Variants in TET1 observed in about 807,000 individuals in gnomAD.
The protein encoded by TET1 is tet methylcytosine dioxygenase 1.
TET1 carries 13 observed loss-of-function variants against 148.7 expected under a neutral mutation model. The ratio of observed to expected loss-of-function variants is 0.09; its 90% CI spans 0.06 to 0.14. The LOEUF is 0.14. Ranked by LOEUF, TET1 falls within the 10% of genes least tolerant of loss-of-function variation. The pLI is 1.00. For missense variants in TET1, 2,182 were observed against 2,553.8 expected, an observed-to-expected ratio of 0.85 and a Z score of 3.14; for synonymous variants, 907 against 937.2, an observed-to-expected ratio of 0.97 and a Z score of 0.59.
intron 1 of TET1, among the ~76,000 whole-genome samples, chr10:68,563,133 T>C (rs935638560): frequency 1.3e-5 from 2 of 152,138 alleles, no homozygotes; most frequent in African/African-American, 4.8e-5. Flanking sequence ...CCTTCCCTTT[T>C]CTTGGCCCTT....
chr10:68,661,445 T>C (rs1317045741), intron 6 of TET1, among the ~76,000 whole-genome samples: 2 of 151,916 alleles, frequency 1.3e-5, no homozygotes, highest in Non-Finnish European at 2.9e-5. Flanking sequence ...GCTTAGAGAT[T>C]ATAATTTTTA....
chr10:68,635,598 T>C (rs1327365564), intron 3 of TET1, among the ~76,000 whole-genome samples: 1 of 152,200 alleles, frequency 6.6e-6, no homozygotes, highest in Non-Finnish European at 1.5e-5. Flanking sequence ...CTGAAAAGAA[T>C]AATACACTAA....
At chr10:68,599,653 C>T (rs1040124270) in intron 2 of TET1, among the ~76,000 whole-genome samples, 5 of 152,164 alleles carry the variant, frequency 3.3e-5, no homozygotes, top group Admixed American at 3.3e-4. Flanking sequence ...TGGGTGGTTC[C>T]GTCTGACCGC....
chr10:68,580,022 G>A (rs950074998), intron 2 of TET1, among the ~76,000 whole-genome samples: 3 of 151,338 alleles, frequency 2.0e-5, no homozygotes, highest in Admixed American at 1.3e-4. Flanking sequence ...TCTGCCTCCC[G>A]GATTCAAGTC....
intron 6 of TET1, among the ~76,000 whole-genome samples, chr10:68,656,148 G>A (rs1357974608): frequency 6.6e-6 from 1 of 152,080 alleles, no homozygotes; most frequent in East Asian, 1.9e-4. Context: ...ATTATGATGA[G>A]TTGTATAATT....
chr10:68,673,470 C>A, intron 8 of TET1: 1 of 390,962 alleles, frequency 2.6e-6, no homozygotes, highest in Non-Finnish European at 5.2e-6. Context: ...ACGAATCAGT[C>A]CGGGACACGA....
At chr10:68,561,581 G>T (rs2053553737) in intron 1 of TET1, among the ~76,000 whole-genome samples, 1 of 152,138 alleles carries the variant, frequency 6.6e-6, no homozygotes, top group African/African-American at 2.4e-5. Flanking sequence ...CTGGGTGCTG[G>T]GGCTGGTCGT....
chr10:68,656,796 C>T (rs186397696), intron 6 of TET1, among the ~76,000 whole-genome samples: 39 of 152,026 alleles, frequency 2.6e-4, no homozygotes, highest in Admixed American at 1.0e-3. Context: ...GAGGTCGAGG[C>T]GGGTGGATCA....
intron 2 of TET1, among the ~76,000 whole-genome samples, chr10:68,596,027 C>CACACATATATATAT (rs71470531): frequency 2.3e-4 from 14 of 61,760 alleles, no homozygotes; most frequent in South Asian, 6.6e-4. Context: ...CACACACACA[C>CACACATATATATAT]ATATATATAT....
intron 4 of TET1, 137 bp downstream of exon 4, chr10:68,647,142 C>G: frequency 1.0e-6 from 1 of 963,384 alleles, no homozygotes; most frequent in Non-Finnish European, 1.5e-6. Context: ...TTAAGTAAAT[C>G]TATAACCATT....
At position 68,624,602 on chromosome 10, in the gene TET1, C is replaced by CTCTTTCTTTCTTTCTTTCTT. The variant is rs771481993; in HGVS notation, c.1969-20056_1969-20037dup. Among the ~76,000 whole-genome samples the CTCTTTCTTTCTTTCTTTCTT allele has an allele frequency of 1.8e-4, 21 of 113,952 alleles. 1 individual carries two copies. The highest frequency in any genetic ancestry group is 1.7e-3 in the South Asian group (5 of 2,954). The allele number at this position is 113,952 out of a possible 152,430, so 74.8% of individuals were successfully genotyped here. A position where few individuals can be genotyped will look rare whatever the true frequency, so the allele number is the denominator to read the frequency against. On this transcript the variant is annotated intron_variant, in intron 3 of 11. Coordinates refer to ENST00000373644, the MANE Select transcript of TET1 (RefSeq NM_030625.3). The stretch of plus-strand genomic sequence containing the variant: ...CCGTGCCTGGCCTTATTTTCTTTTT[C>CTCTTTCTTTCTTTCTTTCTT]TCTTTCTTTCTTTCTTTCTTTCTTT...
chr10:68,691,350 G>C lies in TET1; in HGVS notation c.5947G>C (p.Ala1983Pro). The change falls in exon 12 of 12, where the codon GCT becomes CCT. Residue 1983 changes from alanine to proline, a missense_variant. Ala to Pro is a conservative substitution (Grantham distance 27). Coordinates refer to ENST00000373644, the MANE Select transcript of TET1 (RefSeq NM_030625.3). The surrounding 1 kb of genome is among the most constrained non-coding windows in gnomAD (Gnocchi z 4.4). Reference sequence around the variant, plus strand: ...CCTATCTGATGACCCCCTGTCACCTGCTGAGGAGAAATTGCCCCACATTGA... The same window carrying C: ...CCTATCTGATGACCCCCTGTCACCTCCTGAGGAGAAATTGCCCCACATTGA... ...EPLSDDPLSP[A>P]EEKLPHIDEY... The C allele has an allele frequency of 6.2e-7, 1 of 1,614,170 alleles. No homozygotes were observed. The highest frequency in any genetic ancestry group is 8.5e-7 in the Non-Finnish European group (1 of 1,180,036).
intron 6 of TET1, among the ~76,000 whole-genome samples, chr10:68,662,228 C>G (rs1018940675): frequency 6.6e-6 from 1 of 151,914 alleles, no homozygotes; most frequent in Admixed American, 6.6e-5. Flanking sequence ...AGGCCAGTCT[C>G]GAACTCCTGA....
Position 68,573,572 on chromosome 10 carries a change from A to AT in TET1, c.1238dup (p.Leu413PhefsTer32). 4 of 1,614,150 alleles carry AT rather than the reference A, an allele frequency of 2.5e-6. No homozygotes were observed. The highest frequency in any genetic ancestry group is 3.4e-6 in the Non-Finnish European group (4 of 1,180,036). On this transcript the variant is annotated frameshift_variant, in exon 2 of 12. Coordinates refer to ENST00000373644, the MANE Select transcript of TET1 (RefSeq NM_030625.3). LOFTEE classifies it high-confidence loss of function. The stretch of plus-strand genomic sequence containing the variant: ...AGTCCAAGGAGAGGTCTTTGGTACT[A>AT]TTTTAGACCAACAAGAAACTCTTGG...
chr10:68,640,263 T>C (rs1244840518), intron 3 of TET1, among the ~76,000 whole-genome samples: 1 of 142,282 alleles, frequency 7.0e-6, no homozygotes, highest in Non-Finnish European at 1.5e-5. Context: ...TTCTCTACCT[T>C]AAATTTTTTT....
At chr10:68,575,507 C>G (rs1455742537) in intron 2 of TET1, among the ~76,000 whole-genome samples, 1 of 150,334 alleles carries the variant, frequency 6.7e-6, no homozygotes, top group Non-Finnish European at 1.5e-5. Flanking sequence ...GTCAGGAGTT[C>G]GAGACCAACA....
intron 3 of TET1, among the ~76,000 whole-genome samples, chr10:68,634,626 T>C (rs887957417): frequency 3.3e-5 from 5 of 152,256 alleles, no homozygotes; most frequent in Admixed American, 2.0e-4. Context: ...GAATAAGAAA[T>C]GTTCAGTGAG....
chr10:68,618,333 T>A (rs2795872), intron 3 of TET1, among the ~76,000 whole-genome samples: 37,862 of 151,620 alleles, frequency 0.25, 4,911 homozygotes, highest in South Asian at 0.32. Context: ...GCATATTTTT[T>A]AAAAAAAATA....
chr10:68,645,103 A>G lies in TET1; in HGVS notation c.2374A>G (p.Lys792Glu), dbSNP rs1470171995. ...FGKTLENNSY[K>E]FLKDTANHKN... ...CAAGACATTGGAAAACAATTCTTAT[A>G]AATTCCTAAAAGACACTGCAAACCA... Residue 792 changes from lysine to glutamate, a missense_variant, in exon 4 of 12, where the codon AAA (lysine) becomes GAA (glutamate). Around this residue, in one of 11 missense-constraint regions of TET1, gnomAD observed 226 missense variants for 307.4 expected, o/e 0.74. Coordinates refer to ENST00000373644, the MANE Select transcript of TET1 (RefSeq NM_030625.3). 2 of 1,611,868 alleles carry G rather than the reference A, an allele frequency of 1.2e-6. No homozygotes were observed. Among genetic ancestry groups the G allele is most frequent in the Non-Finnish European group, 1.7e-6 (2 of 1,179,372 alleles).
Sources: allele counts gnomAD v4.1 joint callset (sites outside exome capture counted in the v4.1 genomes callset), GRCh38; gene constraint gnomAD v4.1.1; regional missense constraint gnomAD v4.1.1; non-coding constraint Gnocchi (gnomAD v3.1); transcripts MANE v1.5; gene names NCBI Gene and HGNC (gene_info 2026-07-23, HGNC 2026-07-21).